CDH2: variants seen among roughly 807,000 people sequenced by gnomAD.
The protein encoded by CDH2 is cadherin-2.
In CDH2, 17 loss-of-function variants were observed where a neutral mutation model predicts 92.0. The ratio of observed to expected loss-of-function variants is 0.18; its 90% CI spans 0.13 to 0.28. The LOEUF is 0.28. Among genes scored for constraint, CDH2 ranks in the 10% least tolerant of loss-of-function variants. CDH2 has a pLI of 1.00. For synonymous variants in CDH2, 419 were observed against 415.9 expected, an observed-to-expected ratio of 1.01 and a Z score of -0.09; for missense variants, 862 against 1,133.1, an observed-to-expected ratio of 0.76 and a Z score of 3.44.
chr18:28,131,666 GT>G (rs1295219783), intron 2 of CDH2, among the ~76,000 whole-genome samples: 3 of 135,060 alleles, frequency 2.2e-5, no homozygotes, highest in Non-Finnish European at 4.9e-5. Flanking sequence ...AGAAGATACT[GT>G]TCAAAAAGCA....
At chr18:28,054,452 C>G (rs2014253041) in intron 2 of CDH2, among the ~76,000 whole-genome samples, 1 of 152,150 alleles carries the variant, frequency 6.6e-6, no homozygotes, top group South Asian at 2.1e-4. Context: ...AAACTGCCTC[C>G]TTACCAAAGG....
chr18:27,983,166 T>C (rs2012114967), intron 13 of CDH2, 83 bp from the exon 14 acceptor site: 2 of 1,032,620 alleles, frequency 1.9e-6, no homozygotes, highest in African/African-American at 1.6e-5. Flanking sequence ...GTACTAATAA[T>C]TTATACTTAT....
At chr18:28,092,150 A>G (rs1228336904) in intron 2 of CDH2, among the ~76,000 whole-genome samples, 1 of 152,052 alleles carries the variant, frequency 6.6e-6, no homozygotes, top group Non-Finnish European at 1.5e-5. Flanking sequence ...TCAGCCTGTA[A>G]CACACCTACG....
chr18:27,960,467 G>C (rs2011372696), intron 15 of CDH2, among the ~76,000 whole-genome samples: 1 of 152,180 alleles, frequency 6.6e-6, no homozygotes, highest in South Asian at 2.1e-4. Flanking sequence ...CAAGATGCTG[G>C]GTGGTGAGGG....
chr18:28,140,893 A>ATG (rs1555645935), intron 2 of CDH2, among the ~76,000 whole-genome samples: 1 of 99,272 alleles, frequency 1.0e-5, no homozygotes, highest in Non-Finnish European at 2.1e-5. Flanking sequence ...TTCTCCAAAC[A>ATG]AGATATATAT....
chr18:28,168,420 C>T (rs1423068935), intron 1 of CDH2, among the ~76,000 whole-genome samples: 1 of 151,884 alleles, frequency 6.6e-6, no homozygotes, highest in African/African-American at 2.4e-5. Context: ...AATGTTTGAA[C>T]ATTAAACATT....
At chr18:28,053,300 C>T (rs2014228427) in intron 2 of CDH2, among the ~76,000 whole-genome samples, 1 of 151,940 alleles carries the variant, frequency 6.6e-6, no homozygotes, top group Admixed American at 6.6e-5. Context: ...GTTAGTAAAA[C>T]CTTAATTTTT....
At chr18:27,948,897 T>G (rs1388637791), downstream of CDH2, among the ~76,000 whole-genome samples, 1 of 151,970 alleles carries the variant, frequency 6.6e-6, no homozygotes. Context: ...CATACTTTTA[T>G]CATTGAAAAT....
At chr18:28,081,834 A>AAT (rs2014836686) in intron 2 of CDH2, among the ~76,000 whole-genome samples, 1 of 152,216 alleles carries the variant, frequency 6.6e-6, no homozygotes, top group Non-Finnish European at 1.5e-5. Flanking sequence ...AAGGTAATAA[A>AAT]ATATATGTGA....
intron 2 of CDH2, among the ~76,000 whole-genome samples, chr18:28,069,478 A>G (rs2014574605): frequency 1.3e-5 from 2 of 152,260 alleles, no homozygotes; most frequent in South Asian, 4.2e-4. Flanking sequence ...CCAACTTTCA[A>G]GTACCCAGAA....
At chr18:28,166,149 C>CATATATATATATAT (rs35562216) in intron 1 of CDH2, among the ~76,000 whole-genome samples, 8,712 of 58,948 alleles carry the variant, frequency 0.15, 1,171 homozygotes, top group Non-Finnish European at 0.18. Context: ...CAGACACACT[C>CATATATATATATAT]ATATATATAT....
At chr18:28,076,960 C>T (rs1234557471) in intron 2 of CDH2, among the ~76,000 whole-genome samples, 1 of 152,112 alleles carries the variant, frequency 6.6e-6, no homozygotes, top group Non-Finnish European at 1.5e-5. Context: ...GTAGCTGTCA[C>T]TTGCCTTGAT....
At chr18:27,933,948 A>T (rs763308433) in intron 6 of CDH2, among the ~76,000 whole-genome samples, 1 of 152,228 alleles carries the variant, frequency 6.6e-6, no homozygotes, top group Non-Finnish European at 1.5e-5. Context: ...CTTATTTGAG[A>T]TCCATGTGAA....
Position 28,008,845 on chromosome 18 carries a change from C to T in CDH2, c.702+872G>A, listed in dbSNP as rs145399810. ...GCAAAATAAGAGTCTGGAAACACAT[C>T]CATGCACATGTGGGATGAAAGTTTT... On this transcript the variant is annotated intron_variant, in intron 5 of 15. Coordinates refer to ENST00000269141, the MANE Select transcript of CDH2 (RefSeq NM_001792.5). Among the ~76,000 whole-genome samples the T allele has an allele frequency of 1.8e-3, 267 of 152,098 alleles. 1 individual carries two copies. Among genetic ancestry groups the T allele is most frequent in the African/African-American group, 6.1e-3 (251 of 41,468 alleles).
At chr18:28,139,007 T>C (rs1476137942) in intron 2 of CDH2, among the ~76,000 whole-genome samples, 1 of 151,994 alleles carries the variant, frequency 6.6e-6, no homozygotes, top group African/African-American at 2.4e-5. Context: ...GAAAATGCTG[T>C]TTACATCATT....
Position 27,951,394 on chromosome 18 carries a change from A to G in CDH2, c.*759T>C, listed in dbSNP as rs202198138. ...TCCATAGTCCAAATAATACATACAC[A>G]TGTTCTGAAGTTTCTGCACTTCTCC... On this transcript the variant is annotated 3_prime_UTR_variant, in exon 16 of 16. Coordinates refer to ENST00000269141, the MANE Select transcript of CDH2 (RefSeq NM_001792.5). 4 of 152,520 alleles carry G rather than the reference A, an allele frequency of 2.6e-5. No homozygotes were observed. Among genetic ancestry groups the G allele is most frequent in the Non-Finnish European group, 5.9e-5 (4 of 67,996 alleles). 9.4% of individuals were successfully genotyped at this position (152,520 alleles called of 1,614,324 possible).
intron 2 of CDH2, among the ~76,000 whole-genome samples, chr18:28,147,189 T>G (rs1371415270): frequency 6.6e-6 from 1 of 152,092 alleles, no homozygotes; most frequent in Admixed American, 6.5e-5. Flanking sequence ...AATTTCATAC[T>G]CTTGCACTGA....
At chr18:27,956,003 G>C (rs2011237621) in intron 15 of CDH2, among the ~76,000 whole-genome samples, 3 of 151,832 alleles carry the variant, frequency 2.0e-5, no homozygotes, top group African/African-American at 4.8e-5. Context: ...TTCTGAACGA[G>C]GTATTATATA....
chr18:28,125,846 G>A (rs1349376453), intron 2 of CDH2, among the ~76,000 whole-genome samples: 4 of 152,088 alleles, frequency 2.6e-5, no homozygotes, highest in Non-Finnish European at 4.4e-5. Context: ...TACAAAATGC[G>A]TTAAGTTTAC....
Sources: allele counts gnomAD v4.1 joint callset (sites outside exome capture counted in the v4.1 genomes callset), GRCh38; gene constraint gnomAD v4.1.1; transcripts MANE v1.5; gene names NCBI Gene and HGNC (gene_info 2026-07-23, HGNC 2026-07-21).